The following UGT1A6 variants were observed in gnomAD, a reference collection of about 807,000 sequenced individuals.
UGT1A6 encodes the protein UDP-glucuronosyltransferase 1A6.
Under a neutral mutation model 44.4 loss-of-function variants are expected in UGT1A6, and 32 were observed. The ratio of observed to expected loss-of-function variants is 0.72; its 90% CI spans 0.54 to 0.97. The LOEUF is 0.97. Among genes scored for constraint, UGT1A6 ranks in the 50% least tolerant of loss-of-function variants. UGT1A6 has a pLI of 0.00. For missense variants in UGT1A6, 685 were observed against 661.9 expected, an observed-to-expected ratio of 1.03 and a Z score of -0.38; for synonymous variants, 238 against 248.5, an observed-to-expected ratio of 0.96 and a Z score of 0.40.
At chr2:233,743,695 C>T (rs751572797) in intron 1 of UGT1A6, 1 of 1,367,334 alleles carries the variant, frequency 7.3e-7, no homozygotes, top group East Asian at 4.5e-5. Flanking sequence ...TGCAGCCGCC[C>T]TCCGCCCCCG....
intron 1 of UGT1A6, among the ~76,000 whole-genome samples, chr2:233,758,016 C>T (rs917731402): frequency 6.6e-6 from 1 of 152,144 alleles, no homozygotes; most frequent in African/African-American, 2.4e-5. Context: ...GAGTTTGTCT[C>T]TGTCTACCTG....
rs2075182477 is a variant in UGT1A6, at chr2:233,693,814, C to T, written c.810C>T (p.Asn270=). The change falls in exon 1 of 5, where the codon AAC becomes AAT. Residue 270 remains asparagine (N), a synonymous_variant. Coordinates refer to ENST00000305139, the MANE Select transcript of UGT1A6 (RefSeq NM_001072.4). ...VLEYPRPVMP[N]MVFIGGINCK... ...AATATCCTAGGCCGGTCATGCCCAA[C>T]ATGGTCTTCATTGGAGGTATCAACT... 6.2e-7 allele frequency: 1 copy of T among 1,614,220 alleles called. No homozygotes were observed. The highest frequency in any genetic ancestry group is 8.5e-7 in the Non-Finnish European group (1 of 1,180,038).
intron 1 of UGT1A6, chr2:233,721,927 A>G: frequency 2.6e-6 from 1 of 391,754 alleles, no homozygotes. Context: ...ATAAAGTGAC[A>G]TCCTTCAGAC....
intron 1 of UGT1A6, among the ~76,000 whole-genome samples, chr2:233,758,630 C>T (rs1481038877): frequency 6.6e-6 from 1 of 152,172 alleles, no homozygotes; most frequent in Non-Finnish European, 1.5e-5. Context: ...AAAGTACCTA[C>T]TCTAAGGAGA....
chr2:233,757,265 C>T (rs1416331195), intron 1 of UGT1A6, among the ~76,000 whole-genome samples: 2 of 116,902 alleles, frequency 1.7e-5, no homozygotes, highest in Non-Finnish European at 3.3e-5. Flanking sequence ...AGGTGGCAGC[C>T]GATGCAATGA....
At chr2:233,711,086 CTA>C (rs1559357470) in intron 1 of UGT1A6, among the ~76,000 whole-genome samples, 1 of 152,212 alleles carries the variant, frequency 6.6e-6, no homozygotes, top group Non-Finnish European at 1.5e-5. Context: ...GGCTCCAAGT[CTA>C]TCTGTGCAGC....
rs527503361 is a variant in UGT1A6 at position 233,743,746 on chromosome 2, C to T, written c.862-23288C>T. ...CATAGATATCGCGTTTCTTGGCGTC[C>T]GACAACACCTCGTAGGCCTCGGCCA... On this transcript the variant is annotated intron_variant, in intron 1 of 4. Coordinates refer to ENST00000305139, the MANE Select transcript of UGT1A6 (RefSeq NM_001072.4). The T allele has an allele frequency of 1.3e-5, 18 of 1,367,364 alleles. 1 individual carries two copies. The highest frequency in any genetic ancestry group is 1.0e-4 in the African/African-American group (7 of 67,556). 84.7% of individuals were successfully genotyped at this position (1,367,364 alleles called of 1,614,324 possible).
chr2:233,729,266 T>A (rs6431625), intron 1 of UGT1A6: 2 of 1,613,820 alleles, frequency 1.2e-6, no homozygotes, highest in East Asian at 4.5e-5. Context: ...ATGCGGGAGG[T>A]CTTGCGGGAG....
At chr2:233,761,199 A>C in intron 1 of UGT1A6, 1 of 1,614,054 alleles carries the variant, frequency 6.2e-7, no homozygotes, top group Non-Finnish European at 8.5e-7. Flanking sequence ...TTTCAGATGT[A>C]TTACTTTGGA....
At position 233,772,856 on chromosome 2, in the gene UGT1A6, A is replaced by G; in HGVS notation, c.*297A>G. On this transcript the variant is annotated 3_prime_UTR_variant, in exon 5 of 5. Transcript: ENST00000305139. ...TCTAGATTACTTTTCTTACTCTGAA[A>G]CATGGCCTGTTTGGGAGTGCGGGAT... The G allele has an allele frequency of 2.7e-6, 2 of 727,580 alleles. No individual in the cohort carries two copies. The highest frequency in any genetic ancestry group is 4.2e-5 in the South Asian group (2 of 48,166). The allele number at this position is 727,580 out of a possible 1,614,324, so 45.1% of individuals were successfully genotyped here.
intron 1 of UGT1A6, among the ~76,000 whole-genome samples, chr2:233,766,212 G>A (rs1479826907): frequency 6.6e-6 from 1 of 152,186 alleles, no homozygotes; most frequent in Non-Finnish European, 1.5e-5. Context: ...GGGGAAGCCA[G>A]AAGGGGATGG....
At position 233,733,533 on chromosome 2, in the gene UGT1A6, G is replaced by A. The variant is rs184573517; in HGVS notation, c.862-33501G>A. On this transcript the variant is annotated intron_variant, in intron 1 of 4. Coordinates refer to ENST00000305139, the MANE Select transcript of UGT1A6 (RefSeq NM_001072.4). ...TAGGCATGAAGGGATGTTTAATTTT[G>A]TTGAAGGCCTTTTCTGCATCTGTTG... 2.9e-3 allele frequency among the ~76,000 whole-genome samples: 440 copies of A among 152,268 alleles called. 3 individuals carry two copies. Among genetic ancestry groups the A allele is most frequent in the African/African-American group, 0.01 (417 of 41,554 alleles).
At chr2:233,736,293 T>C (rs1349532860) in intron 1 of UGT1A6, among the ~76,000 whole-genome samples, 2 of 152,248 alleles carry the variant, frequency 1.3e-5, no homozygotes, top group Admixed American at 1.3e-4. Flanking sequence ...TTCTTCCAGT[T>C]GCTCTAATCA....
chr2:233,736,824 CTT>C (rs2078816334), intron 1 of UGT1A6, among the ~76,000 whole-genome samples: 1 of 152,316 alleles, frequency 6.6e-6, no homozygotes, highest in South Asian at 2.1e-4. Context: ...TCCAGATGCT[CTT>C]TGCTTTGGTA....
chr2:233,739,074 T>A (rs1271021354), intron 1 of UGT1A6: 1 of 152,242 alleles, frequency 6.6e-6, no homozygotes, highest in Non-Finnish European at 1.5e-5. Flanking sequence ...GGTGCAAACC[T>A]CAAGCCTTGG....
At position 233,772,524 on chromosome 2, in the gene UGT1A6, CG is replaced by C. The variant is rs1700532996; in HGVS notation, c.1565del (p.Arg522GlnfsTer22). On this transcript the variant is annotated frameshift_variant, in exon 5 of 5. Transcript: ENST00000305139. LOFTEE classifies it high-confidence loss of function. The part of the protein sequence containing the change: ...GYRKCLGKKG[R>X]VKKAHKSKTH Reference sequence around the variant, plus strand: ...CCGGAAATGCTTGGGGAAAAAAGGGCGAGTTAAGAAAGCCCACAAATCCAAG... The same window carrying C: ...CCGGAAATGCTTGGGGAAAAAAGGGCAGTTAAGAAAGCCCACAAATCCAAG... 6.2e-7 allele frequency: 1 copy of C among 1,613,838 alleles called. No homozygotes were observed. The highest frequency in any genetic ancestry group is 1.3e-5 in the African/African-American group (1 of 74,832).
intron 1 of UGT1A6, among the ~76,000 whole-genome samples, chr2:233,738,487 G>C (rs2125816251): frequency 6.6e-6 from 1 of 152,316 alleles, no homozygotes; most frequent in African/African-American, 2.4e-5. Flanking sequence ...GAGACTTGTT[G>C]AACGGTTTTG....
chr2:233,729,473 T>G, intron 1 of UGT1A6: 1 of 1,614,206 alleles, frequency 6.2e-7, no homozygotes, highest in Non-Finnish European at 8.5e-7. Flanking sequence ...AGTATGGCAA[T>G]GTTGAACAAT....
At chr2:233,738,664 G>A (rs974057109) in intron 1 of UGT1A6, among the ~76,000 whole-genome samples, 1 of 152,140 alleles carries the variant, frequency 6.6e-6, no homozygotes, top group Non-Finnish European at 1.5e-5. Flanking sequence ...ACGAACTTGA[G>A]AGAGATGATC....
Sources: gnomAD v4.1 joint callset for allele counts (sites outside exome capture counted in the v4.1 genomes callset) on GRCh38, gnomAD v4.1.1 for gene constraint, MANE v1.5 for transcripts, NCBI Gene and HGNC (gene_info 2026-07-23, HGNC 2026-07-21) for gene names.